LRTM3: variants seen among roughly 807,000 people sequenced by gnomAD.
LRTM3 encodes leucine rich repeat transmembrane protein 3, also known as leucine-rich repeat transmembrane protein 3.
At chr13:102,737,745 C>A in the LRTM3 span, 11 of 1,550,594 alleles carry the variant, frequency 7.1e-6, no homozygotes, top group Non-Finnish European at 7.0e-6. Flanking sequence ...TCACTGGGCA[C>A]CCCATTTGCT....
chr13:102,741,302 G>A, the LRTM3 span: 12 of 1,549,778 alleles, frequency 7.7e-6, no homozygotes, highest in Admixed American at 9.8e-5. Context: ...TGTATTCACT[G>A]CCTGTTTTAA....
chr13:102,744,461 G>T, the LRTM3 span: 1 of 1,550,528 alleles, frequency 6.4e-7, no homozygotes, highest in East Asian at 2.4e-5. Flanking sequence ...TTTGGGAAAT[G>T]AAGTCTTTAG....
At chr13:102,744,200 A>G in the LRTM3 span, 1 of 1,550,432 alleles carries the variant, frequency 6.4e-7, no homozygotes, top group Non-Finnish European at 8.7e-7. Context: ...CAACTGCAAA[A>G]TTCGTAGTTG....
the LRTM3 span, chr13:102,740,333 C>T: frequency 2.6e-6 from 4 of 1,550,230 alleles, no homozygotes; most frequent in Non-Finnish European, 3.5e-6. Flanking sequence ...CCATTCTAGT[C>T]TATTCTTAGT....
chr13:102,735,212 A>G, the LRTM3 span: 1 of 1,551,342 alleles, frequency 6.4e-7, no homozygotes, highest in Non-Finnish European at 8.7e-7. Context: ...CTTTGCCTTC[A>G]AATACATTTT....
the LRTM3 span, among the ~76,000 whole-genome samples, chr13:102,755,258 C>A: frequency 1.4e-5 from 2 of 146,228 alleles, no homozygotes; most frequent in South Asian, 4.6e-4. Context: ...ATTTCATAAG[C>A]AAGATAAAAT....
At chr13:102,734,164 T>C in the LRTM3 span, 1 of 1,551,496 alleles carries the variant, frequency 6.4e-7, no homozygotes, top group Non-Finnish European at 8.7e-7. Flanking sequence ...TCCTTGCCTC[T>C]TGGCAGTGTA....
chr13:102,756,945 C>T, the LRTM3 span, among the ~76,000 whole-genome samples: 1 of 152,148 alleles, frequency 6.6e-6, no homozygotes, highest in East Asian at 1.9e-4. Flanking sequence ...GATGGAAAAT[C>T]TTTAAAGTGT....
At chr13:102,733,500 G>C in the LRTM3 span, 2 of 1,551,316 alleles carry the variant, frequency 1.3e-6, no homozygotes, top group South Asian at 1.2e-5. Context: ...TTCCTTATCA[G>C]TGAAACTGAA....
the LRTM3 span, chr13:102,736,926 C>T: frequency 1.3e-6 from 2 of 1,551,116 alleles, no homozygotes; most frequent in Non-Finnish European, 1.7e-6. Context: ...GATCTTGTTA[C>T]TCCTTGTTCC....
At chr13:102,747,307 A>G in the LRTM3 span, 1 of 1,549,476 alleles carries the variant, frequency 6.5e-7, no homozygotes, top group Non-Finnish European at 8.7e-7. Flanking sequence ...CTGCAATTTT[A>G]TCTTGCAGTA....
chr13:102,750,478 T>C, the LRTM3 span: 1 of 745,414 alleles, frequency 1.3e-6, no homozygotes, highest in Non-Finnish European at 2.1e-6. Flanking sequence ...CAGCATAGTA[T>C]ATGAAAACAG....
chr13:102,747,186 C>T, the LRTM3 span: 3 of 1,550,562 alleles, frequency 1.9e-6, no homozygotes, highest in East Asian at 2.4e-5. Context: ...ATTTGGGATT[C>T]CTCTTGGACT....
At chr13:102,744,255 C>T in the LRTM3 span, 3 of 1,550,288 alleles carry the variant, frequency 1.9e-6, no homozygotes, top group Non-Finnish European at 2.6e-6. Context: ...CTTTTCTTGC[C>T]TATAAACTCT....
At chr13:102,738,837 T>C in the LRTM3 span, 668 of 1,550,364 alleles carry the variant, frequency 4.3e-4, 6 homozygotes, top group Middle Eastern at 1.5e-3. Context: ...CCTTTTTCTT[T>C]GATGTTCAAC....
the LRTM3 span, chr13:102,737,511 G>C: frequency 1.8e-4 from 284 of 1,550,170 alleles, 2 homozygotes; most frequent in South Asian, 3.2e-3. Context: ...CTGTTCCCTT[G>C]CTCCTCACCT....
the LRTM3 span, chr13:102,743,310 C>G: frequency 2.6e-6 from 4 of 1,550,280 alleles, no homozygotes; most frequent in Admixed American, 3.9e-5. Flanking sequence ...ATGTCTATCT[C>G]TGTTTGGAAT....
At chr13:102,738,201 T>C in the LRTM3 span, 32 of 1,550,880 alleles carry the variant, frequency 2.1e-5, no homozygotes, top group East Asian at 4.2e-4. Context: ...ATTATGTCTT[T>C]CTTAGCTGAT....
chr13:102,734,116 T>C, the LRTM3 span: 3 of 1,551,468 alleles, frequency 1.9e-6, no homozygotes, highest in African/African-American at 2.7e-5. Flanking sequence ...TATTCAACAC[T>C]AATTCCTTTG....
Sources: gnomAD v4.1 joint callset for allele counts (sites outside exome capture counted in the v4.1 genomes callset) on GRCh38, gnomAD v4.1.1 for gene constraint, MANE v1.5 for transcripts, NCBI Gene and HGNC (gene_info 2026-07-23, HGNC 2026-07-21) for gene names.